The following ZDHHC7 variants were observed in gnomAD, a reference collection of about 807,000 sequenced individuals.
ZDHHC7 encodes the protein palmitoyltransferase ZDHHC7.
ZDHHC7 carries 12 observed loss-of-function variants against 34.1 expected under a neutral mutation model. The observed-to-expected ratio is 0.35, with a 90% CI of 0.23 to 0.57. The LOEUF is 0.57. ZDHHC7 is among the 20% of genes least tolerant of loss of function. ZDHHC7 has a pLI of 0.84. For synonymous variants in ZDHHC7, 185 were observed against 155.4 expected (o/e 1.19, Z -1.42); for missense variants, 388 against 402.7 (o/e 0.96, Z 0.31).
upstream of ZDHHC7, among the ~76,000 whole-genome samples, chr16:85,016,263 C>G (rs1255660820): frequency 6.6e-6 from 1 of 152,002 alleles, no homozygotes; most frequent in African/African-American, 2.4e-5. Flanking sequence ...CTCACGTGAT[C>G]CTTCCACCTC....
At chr16:84,981,759 A>G in intron 4 of ZDHHC7, 111 bp downstream of exon 4, 10 of 1,580,490 alleles carry the variant, frequency 6.3e-6, no homozygotes, top group Non-Finnish European at 8.6e-6. Context: ...AACGTTGCCC[A>G]GATGCTCGGG....
intron 1 of ZDHHC7, among the ~76,000 whole-genome samples, chr16:85,010,546 G>C (rs746024793): frequency 1.3e-5 from 2 of 152,222 alleles, no homozygotes; most frequent in African/African-American, 2.4e-5. Context: ...CACTGTAGCA[G>C]CGATTTGCCC....
At chr16:85,023,412 G>A in the ZDHHC7 span, among the ~76,000 whole-genome samples, 8 of 151,912 alleles carry the variant, frequency 5.3e-5, no homozygotes, top group African/African-American at 1.2e-4. Context: ...TGATCCACCC[G>A]CCTCGGCCTC....
At chr16:84,996,529 T>A (rs563264837) in intron 1 of ZDHHC7, among the ~76,000 whole-genome samples, 1 of 151,988 alleles carries the variant, frequency 6.6e-6, no homozygotes, top group South Asian at 2.1e-4. Flanking sequence ...CCCACGTAGC[T>A]CCCCGAACCC....
At chr16:84,987,609 G>A (rs1020911286) in intron 3 of ZDHHC7, among the ~76,000 whole-genome samples, 1 of 152,122 alleles carries the variant, frequency 6.6e-6, no homozygotes, top group Non-Finnish European at 1.5e-5. Flanking sequence ...ATATACCCAA[G>A]AGGAATGAAA....
At chr16:85,016,946 T>G in the ZDHHC7 span, among the ~76,000 whole-genome samples, 25 of 131,246 alleles carry the variant, frequency 1.9e-4, no homozygotes, top group South Asian at 5.1e-4. Flanking sequence ...TTTTTTCTTT[T>G]GCTTTTTTTT....
At chr16:85,002,037 T>C (rs189985741) in intron 1 of ZDHHC7, among the ~76,000 whole-genome samples, 13 of 152,076 alleles carry the variant, frequency 8.5e-5, no homozygotes, top group African/African-American at 2.2e-4. Flanking sequence ...GAAAGGGATA[T>C]AGGAACCAAG....
chr16:85,008,827 C>G (rs2072751846), intron 1 of ZDHHC7, among the ~76,000 whole-genome samples: 1 of 151,854 alleles, frequency 6.6e-6, no homozygotes, highest in Admixed American at 6.6e-5. Context: ...AGGCGGATCA[C>G]CAGAGGTCAG....
At chr16:85,011,898 A>AAGG (rs2072799682), upstream of ZDHHC7, among the ~76,000 whole-genome samples, 1 of 152,194 alleles carries the variant, frequency 6.6e-6, no homozygotes, top group African/African-American at 2.4e-5. Context: ...ATGGGAAAGT[A>AAGG]AGGGAGCGGG....
chr16:84,985,938 G>C (rs1409341183), intron 3 of ZDHHC7, among the ~76,000 whole-genome samples: 1 of 117,980 alleles, frequency 8.5e-6, no homozygotes, highest in African/African-American at 3.3e-5. Flanking sequence ...CTGGGCAACA[G>C]AGTGAGACTG....
intron 1 of ZDHHC7, among the ~76,000 whole-genome samples, chr16:84,996,805 G>A (rs2072584534): frequency 6.6e-6 from 1 of 152,058 alleles, no homozygotes; most frequent in South Asian, 2.1e-4. Flanking sequence ...GAGGCGGGTG[G>A]ATCATGAGGT....
upstream of ZDHHC7, chr16:85,011,662 G>T (rs1018916917): frequency 6.6e-6 from 1 of 152,218 alleles, no homozygotes; most frequent in Non-Finnish European, 1.5e-5. Context: ...ATTGAGAAAA[G>T]GCAGCTTTTA....
chr16:84,991,925 C>A (rs2072514758), intron 2 of ZDHHC7, among the ~76,000 whole-genome samples: 1 of 152,060 alleles, frequency 6.6e-6, no homozygotes, highest in African/African-American at 2.4e-5. Flanking sequence ...TAGGACCGGG[C>A]ACAGTGGCTC....
At chr16:84,996,131 A>G (rs1004400635) in intron 1 of ZDHHC7, 124 bp from the exon 2 acceptor site, 23 of 152,232 alleles carry the variant, frequency 1.5e-4, no homozygotes, top group African/African-American at 5.5e-4. Context: ...TGTCACTCAG[A>G]ACTATCCTTA....
At chr16:84,994,058 A>C (rs888061554) in intron 2 of ZDHHC7, among the ~76,000 whole-genome samples, 5 of 152,158 alleles carry the variant, frequency 3.3e-5, no homozygotes, top group African/African-American at 1.2e-4. Context: ...CCTCCGCTGA[A>C]GCCCTGGGCA....
At chr16:85,027,420 C>G in the ZDHHC7 span, among the ~76,000 whole-genome samples, 1 of 152,206 alleles carries the variant, frequency 6.6e-6, no homozygotes. Context: ...CAGGAAACAA[C>G]TAGAATCCGA....
In ZDHHC7 at chr16:84,976,158, G is replaced by A. The variant is rs72801590; in HGVS notation, c.*185C>T. 0.13 allele frequency: 96,058 copies of A among 729,870 alleles called. 6,797 individuals carry two copies. Among genetic ancestry groups the A allele is most frequent in the Middle Eastern group, 0.16 (420 of 2,548 alleles). The allele number at this position is 729,870 out of a possible 1,614,324, so 45.2% of individuals were successfully genotyped here. A position where few individuals can be genotyped will look rare whatever the true frequency, so the allele number is the denominator to read the frequency against. On this transcript the variant is annotated 3_prime_UTR_variant, in exon 8 of 8. Coordinates refer to ENST00000313732, the MANE Select transcript of ZDHHC7 (RefSeq NM_017740.3). Reference sequence around the variant, plus strand: ...CACACCTTTCCGTTGTTGTACAGGTGGGGACTGAGAGCCTCTTCCTCTGCC... The same window carrying A: ...CACACCTTTCCGTTGTTGTACAGGTAGGGACTGAGAGCCTCTTCCTCTGCC...
the ZDHHC7 span, among the ~76,000 whole-genome samples, chr16:85,016,755 T>C: frequency 1.3e-5 from 2 of 150,156 alleles, no homozygotes; most frequent in Admixed American, 1.3e-4. Flanking sequence ...CCACCACACC[T>C]GTCTCGTTAA....
At chr16:84,978,668 G>A (rs2072329127) in intron 5 of ZDHHC7, among the ~76,000 whole-genome samples, 1 of 152,116 alleles carries the variant, frequency 6.6e-6, no homozygotes, top group South Asian at 2.1e-4. Flanking sequence ...TTCAAGACCA[G>A]CCCAACCAAT....
Sources: gnomAD v4.1 joint callset for allele counts (sites outside exome capture counted in the v4.1 genomes callset) on GRCh38, gnomAD v4.1.1 for gene constraint, MANE v1.5 for transcripts, NCBI Gene and HGNC (gene_info 2026-07-23, HGNC 2026-07-21) for gene names.